The following DGCR2 variants were observed in gnomAD, a reference collection of about 807,000 sequenced individuals.
DGCR2 encodes the protein integral membrane protein DGCR2/IDD.
A neutral mutation model predicts 51.6 loss-of-function variants in DGCR2; 24 were observed. The ratio of observed to expected loss-of-function variants is 0.47; its 90% CI spans 0.34 to 0.65. The LOEUF is 0.65. Ranked by LOEUF, DGCR2 falls within the 30% of genes least tolerant of loss-of-function variation. The probability of loss-of-function intolerance (pLI) is 0.01; values close to 1 mark genes in which losing one functional copy is unlikely to be tolerated. For synonymous variants in DGCR2, 340 were observed against 315.4 expected (o/e 1.08, Z -0.82); for missense variants, 765 against 772.1 (o/e 0.99, Z 0.11).
intron 1 of DGCR2, among the ~76,000 whole-genome samples, chr22:19,114,062 GAAAA>G (rs55948025): frequency 0.35 from 27,972 of 79,948 alleles, 3,172 homozygotes; most frequent in African/African-American, 0.48. Context: ...TCCATTTGAG[GAAAA>G]AAAAAAAAAA....
At chr22:19,076,724 ATTTTTTTTTTT>A (rs1165827499) in intron 2 of DGCR2, among the ~76,000 whole-genome samples, 17 of 79,954 alleles carry the variant, frequency 2.1e-4, no homozygotes, top group East Asian at 1.2e-3. Flanking sequence ...TCCTTTGCAC[ATTTTTTTTTTT>A]TTTTTTTTTT....
chr22:19,089,840 C>G (rs1053008230), intron 1 of DGCR2, among the ~76,000 whole-genome samples: 10 of 152,240 alleles, frequency 6.6e-5, no homozygotes, highest in Middle Eastern at 3.2e-3. Context: ...CTCGGCCTCC[C>G]GAAGTGCCAG....
chr22:19,063,479 C>T (rs1019320685), intron 4 of DGCR2, among the ~76,000 whole-genome samples: 6 of 151,758 alleles, frequency 4.0e-5, no homozygotes, highest in African/African-American at 1.2e-4. Flanking sequence ...GGTGGGATTA[C>T]AGGCACAGGC....
At chr22:19,041,657 T>C in intron 8 of DGCR2, 150 bp downstream of exon 8, 2 of 954,552 alleles carry the variant, frequency 2.1e-6, no homozygotes, top group South Asian at 1.6e-5. Context: ...AGAACTTTCC[T>C]GGCCCACAGG....
chr22:19,113,165 A>T (rs2083334780), intron 1 of DGCR2, among the ~76,000 whole-genome samples: 2 of 152,062 alleles, frequency 1.3e-5, no homozygotes, highest in East Asian at 1.9e-4. Flanking sequence ...AGGTCAAGAG[A>T]TCGAGACCAT....
chr22:19,038,982 G>C lies in DGCR2; in HGVS notation c.1536C>G (p.Asp512Glu). 1 of 1,611,888 alleles carries C rather than the reference G, an allele frequency of 6.2e-7. No homozygotes were observed. The highest frequency in any genetic ancestry group is 8.5e-7 in the Non-Finnish European group (1 of 1,179,364). ...GGGGCACGAGCAGGGCGCTGCTGCT[G>C]TCGGCAGAGTCTTCCAGGTCTGCCA... ...ASLADLEDSA[D>E]SSSALLVPPD... The change falls in exon 10 of 10, where the codon GAC (aspartate) becomes GAG (glutamate). Residue 512 changes from aspartate to glutamate, a missense_variant. Asp to Glu is a conservative substitution (Grantham distance 45). Transcript: ENST00000263196.
chr22:19,085,309 T>A (rs1201846175), intron 2 of DGCR2, among the ~76,000 whole-genome samples: 1 of 152,230 alleles, frequency 6.6e-6, no homozygotes, highest in Non-Finnish European at 1.5e-5. Flanking sequence ...TACTGCCATC[T>A]ATAGGTTAGG....
intron 1 of DGCR2, among the ~76,000 whole-genome samples, chr22:19,107,092 A>G (rs2083267912): frequency 6.6e-6 from 1 of 152,194 alleles, no homozygotes; most frequent in South Asian, 2.1e-4. Context: ...ATATGCCTGC[A>G]ACTTCTTTGA....
rs192216748 is a variant in DGCR2 at position 19,082,613 on chromosome 22, G to A, written c.202+6755C>T. On this transcript the variant is annotated intron_variant, in intron 2 of 9. Transcript: ENST00000263196. The stretch of plus-strand genomic sequence containing the variant: ...AAAAATACAAAAATTAGACGAGCGT[G>A]GTGGCAGATGCCTGTAATCCCAGCT... Among the ~76,000 whole-genome samples, 9 of 152,086 alleles carry A rather than the reference G, an allele frequency of 5.9e-5. No individual in the cohort carries two copies. In the East Asian group the frequency reaches 1.4e-3, roughly 23 times the overall value.
In DGCR2 at chr22:19,071,502, G is replaced by A. The variant is rs2082814820; in HGVS notation, c.203-3277C>T. Among the ~76,000 whole-genome samples the A allele has an allele frequency of 2.0e-5, 3 of 152,164 alleles. 1 individual carries two copies. In the South Asian group the frequency reaches 6.2e-4, roughly 32 times the overall value. Reference sequence around the variant, plus strand: ...TACCTAAAAAAAAAAAGTCTCACCTGAAGCTAATCCTGAAGAAAGAGACAA... The same window carrying A: ...TACCTAAAAAAAAAAAGTCTCACCTAAAGCTAATCCTGAAGAAAGAGACAA... On this transcript the variant is annotated intron_variant, in intron 2 of 9. Transcript: ENST00000263196.
intron 1 of DGCR2, among the ~76,000 whole-genome samples, chr22:19,107,824 T>C (rs2083274349): frequency 6.6e-6 from 1 of 152,212 alleles, no homozygotes; most frequent in Admixed American, 6.5e-5. Flanking sequence ...TCGCATCTGA[T>C]GTAAACATCA....
At position 19,122,121 on chromosome 22, in the gene DGCR2, G is replaced by T; in HGVS notation, c.79+7C>A. ...AGCCCCCACACCGCCCCCATCGCGC[G>T]GCGCACCTGGCCGCAGCGGCTCGGT... On this transcript the variant is annotated splice_region_variant and intron_variant, in intron 1 of 9. Transcript: ENST00000263196. 2.7e-6 allele frequency: 4 copies of T among 1,487,822 alleles called. No individual in the cohort carries two copies. Among genetic ancestry groups the T allele is most frequent in the Non-Finnish European group, 3.6e-6 (4 of 1,117,706 alleles). 92.2% of individuals were successfully genotyped at this position (1,487,822 alleles called of 1,614,324 possible).
intron 7 of DGCR2, among the ~76,000 whole-genome samples, chr22:19,043,652 C>G (rs2082457416): frequency 6.6e-6 from 1 of 152,092 alleles, no homozygotes; most frequent in Non-Finnish European, 1.5e-5. Flanking sequence ...AGGGACCCTG[C>G]TAAGCTAGGA....
intron 7 of DGCR2, among the ~76,000 whole-genome samples, chr22:19,042,776 G>A (rs2082447643): frequency 6.6e-6 from 1 of 152,228 alleles, no homozygotes; most frequent in South Asian, 2.1e-4. Context: ...GACTGTGTAG[G>A]GGAACAGTGA....
intron 1 of DGCR2, among the ~76,000 whole-genome samples, chr22:19,114,114 C>T (rs899218614): frequency 5.4e-5 from 8 of 147,876 alleles, no homozygotes; most frequent in African/African-American, 1.7e-4. Context: ...TTGCCCCGAC[C>T]CATTCCCACC....
At chr22:19,063,740 AG>A (rs774465575) in intron 4 of DGCR2, among the ~76,000 whole-genome samples, 20 of 152,290 alleles carry the variant, frequency 1.3e-4, no homozygotes, top group Non-Finnish European at 2.4e-4. Flanking sequence ...GTTTTATCTC[AG>A]GGAACTCTTG....
At chr22:19,058,703 A>C in intron 5 of DGCR2, among the ~76,000 whole-genome samples, 1 of 152,226 alleles carries the variant, frequency 6.6e-6, no homozygotes, top group East Asian at 1.9e-4. Context: ...ACTACAGTAC[A>C]TGACAGCAGA....
chr22:19,077,220 T>C (rs2082888137), intron 2 of DGCR2, among the ~76,000 whole-genome samples: 2 of 152,252 alleles, frequency 1.3e-5, no homozygotes, highest in Non-Finnish European at 2.9e-5. Context: ...CTATTGTTTC[T>C]TTTGTTGCCT....
chr22:19,109,512 G>A (rs2083292838), intron 1 of DGCR2, among the ~76,000 whole-genome samples: 1 of 152,140 alleles, frequency 6.6e-6, no homozygotes, highest in Admixed American at 6.5e-5. Flanking sequence ...GGTAAAATAA[G>A]CCAAACATAA....
Sources: allele counts gnomAD v4.1 joint callset (sites outside exome capture counted in the v4.1 genomes callset), GRCh38; gene constraint gnomAD v4.1.1; transcripts MANE v1.5; gene names NCBI Gene and HGNC (gene_info 2026-07-23, HGNC 2026-07-21).